The following ABCC12 variants were observed in gnomAD, a reference collection of about 807,000 sequenced individuals.
ABCC12 encodes ATP-binding cassette sub-family C member 12.
In ABCC12, 142 loss-of-function variants were observed where a neutral mutation model predicts 151.1. The observed-to-expected ratio is 0.94, with a 90% CI of 0.82 to 1.08. ABCC12 has a LOEUF of 1.08. Ranked by LOEUF, ABCC12 falls within the 50% of genes least tolerant of loss-of-function variation. ABCC12 has a pLI of 0.00. For synonymous variants in ABCC12, 645 were observed against 646.4 expected, an observed-to-expected ratio of 1.00 and a Z score of 0.03; for missense variants, 1,638 against 1,691.1, an observed-to-expected ratio of 0.97 and a Z score of 0.55.
At chr16:48,141,039 G>A (rs1230284566) in intron 5 of ABCC12, 119 bp from the exon 6 acceptor site, 1 of 1,373,112 alleles carries the variant, frequency 7.3e-7, no homozygotes. Context: ...TAATTTTAGT[G>A]GCTGCTGCTG....
In ABCC12 at chr16:48,090,991, G is replaced by A. The variant is rs371162722; in HGVS notation, c.3285+129C>T. The A allele has an allele frequency of 2.1e-3, 1,834 of 891,412 alleles. 52 individuals carry two copies. In the South Asian group the frequency reaches 0.025, roughly 12 times the overall value. 55.2% of individuals were successfully genotyped at this position (891,412 alleles called of 1,614,324 possible). A position where few individuals can be genotyped will look rare whatever the true frequency, so the allele number is the denominator to read the frequency against. On this transcript the variant is annotated intron_variant, in intron 25 of 30. Transcript: ENST00000311303. ...CTCCCAAAGTGCTGGGATTATAGGC[G>A]TAAGCCACCACGCCCGGCCCGATTT...
In ABCC12 at chr16:48,111,787, A is replaced by G. The variant is rs1963702099; in HGVS notation, c.2113T>C (p.Leu705=). 3 of 1,613,940 alleles carry G rather than the reference A, an allele frequency of 1.9e-6. No individual in the cohort carries two copies. Among genetic ancestry groups the G allele is most frequent in the South Asian group, 1.1e-5 (1 of 91,060 alleles). Residue 705 remains leucine, a synonymous_variant, in exon 16 of 31, where the codon TTG becomes CTG. Coordinates refer to ENST00000311303, the MANE Select transcript of ABCC12 (RefSeq NM_001393797.1). ...CAGGTGTGAGTTACCTTGAACTGCA[A>G]TCCTCGCAGGTTGTGAATCAGTTTT... The part of the protein sequence containing the change: ...YAKLIHNLRG[L]QFKDPEHLYN...
chr16:48,122,651 G>C (rs1309261201), intron 12 of ABCC12, among the ~76,000 whole-genome samples: 3 of 152,192 alleles, frequency 2.0e-5, no homozygotes, highest in Admixed American at 2.0e-4. Context: ...GAGTCACCAA[G>C]GCGGCCGAAG....
chr16:48,132,747 C>T (rs1263389753), intron 9 of ABCC12, among the ~76,000 whole-genome samples: 1 of 152,208 alleles, frequency 6.6e-6, no homozygotes, highest in African/African-American at 2.4e-5. Context: ...AGATGAGAAT[C>T]AGGCTAAGAA....
rs376236973 is a variant in ABCC12 at position 48,090,349 on chromosome 16, TTC to T, written c.3285+769_3285+770del. ...CTCAAGTGACCCTACCTCCTTAACC[TTC>T]TCAGTAGCTAGGACTATAGGTGCAT... On this transcript the variant is annotated intron_variant, in intron 25 of 30. Transcript: ENST00000311303. Among the ~76,000 whole-genome samples, 431 of 151,898 alleles carry T rather than the reference TTC, an allele frequency of 2.8e-3. 1 individual carries two copies. Among genetic ancestry groups the T allele is most frequent in the Non-Finnish European group, 5.2e-3 (354 of 67,970 alleles).
intron 24 of ABCC12, 94 bp from the exon 25 acceptor site, chr16:48,091,303 CT>C: frequency 9.1e-7 from 1 of 1,101,982 alleles, no homozygotes; most frequent in Non-Finnish European, 1.4e-6. Context: ...TGAATGATCC[CT>C]CCCCTGCCTA....
chr16:48,111,707 C>T, intron 16 of ABCC12, 45 bp from the exon 17 acceptor site: 1 of 1,613,978 alleles, frequency 6.2e-7, no homozygotes, highest in Non-Finnish European at 8.5e-7. Flanking sequence ...GTGACAGGAC[C>T]TCTCCCAGGC....
intron 29 of ABCC12, among the ~76,000 whole-genome samples, chr16:48,084,841 G>C (rs138131861): frequency 6.6e-6 from 1 of 152,084 alleles, no homozygotes; most frequent in Non-Finnish European, 1.5e-5. Flanking sequence ...GTATTATTCC[G>C]CTGATCACAG....
intron 22 of ABCC12, among the ~76,000 whole-genome samples, chr16:48,101,272 C>T (rs1225136943): frequency 6.6e-6 from 1 of 152,128 alleles, no homozygotes; most frequent in Non-Finnish European, 1.5e-5. Flanking sequence ...AGTCTCGCTC[C>T]ACAAGGCGTG....
chr16:48,105,383 C>T (rs1963458452), intron 20 of ABCC12, 47 bp from the exon 21 acceptor site: 1 of 1,524,318 alleles, frequency 6.6e-7, no homozygotes, highest in Admixed American at 2.0e-5. Context: ...AAATTCCTGC[C>T]AGGAGAACAG....
At chr16:48,102,058 G>A (rs1354101249) in intron 22 of ABCC12, among the ~76,000 whole-genome samples, 2 of 152,104 alleles carry the variant, frequency 1.3e-5, no homozygotes, top group East Asian at 3.8e-4. Flanking sequence ...AAATCAAAAT[G>A]AAAACCCCAA....
intron 15 of ABCC12, among the ~76,000 whole-genome samples, chr16:48,113,944 C>CA (rs1963787794): frequency 6.6e-6 from 1 of 152,160 alleles, no homozygotes; most frequent in African/African-American, 2.4e-5. Flanking sequence ...CTCCCTGCTG[C>CA]AGGGTGTCTC....
chr16:48,116,531 T>C (rs1022215100), intron 14 of ABCC12, among the ~76,000 whole-genome samples: 2 of 151,750 alleles, frequency 1.3e-5, no homozygotes, highest in African/African-American at 4.8e-5. Context: ...AGGAAGTGAG[T>C]GGACACTTTG....
intron 8 of ABCC12, among the ~76,000 whole-genome samples, chr16:48,135,223 T>A (rs1253692008): frequency 6.6e-6 from 1 of 152,158 alleles, no homozygotes; most frequent in African/African-American, 2.4e-5. Flanking sequence ...AGCCGCCTGA[T>A]TCTCCTTGCT....
At chr16:48,109,795 G>A (rs775373942) in intron 18 of ABCC12, among the ~76,000 whole-genome samples, 10 of 152,224 alleles carry the variant, frequency 6.6e-5, no homozygotes, top group African/African-American at 9.6e-5. Flanking sequence ...CTCGCAGCCC[G>A]CAGGCTGGGG....
chr16:48,102,881 G>T (rs185393108), intron 22 of ABCC12, among the ~76,000 whole-genome samples: 1 of 152,066 alleles, frequency 6.6e-6, no homozygotes, highest in African/African-American at 2.4e-5. Flanking sequence ...TCCACCAGAC[G>T]TGGGAAGTGA....
intron 27 of ABCC12, chr16:48,087,592 T>C: frequency 4.7e-6 from 1 of 213,568 alleles, no homozygotes; most frequent in Admixed American, 5.2e-5. Context: ...GAGTGGCCAT[T>C]GTTAAACCTG....
intron 20 of ABCC12, among the ~76,000 whole-genome samples, chr16:48,106,804 C>T (rs904320036): frequency 1.3e-5 from 2 of 152,206 alleles, no homozygotes; most frequent in African/African-American, 2.4e-5. Flanking sequence ...ATCATTTCTT[C>T]CCAGGAAGGG....
At chr16:48,137,933 T>C (rs1964667221) in intron 8 of ABCC12, among the ~76,000 whole-genome samples, 1 of 151,526 alleles carries the variant, frequency 6.6e-6, no homozygotes, top group African/African-American at 2.5e-5. Context: ...GCTTTTTTCC[T>C]GCTCACAATG....
Sources: gnomAD v4.1 joint callset for allele counts (sites outside exome capture counted in the v4.1 genomes callset) on GRCh38, gnomAD v4.1.1 for gene constraint, MANE v1.5 for transcripts, NCBI Gene and HGNC (gene_info 2026-07-23, HGNC 2026-07-21) for gene names.